The following NECAB2 variants were observed in gnomAD, a reference collection of about 807,000 sequenced individuals.
NECAB2 encodes the protein N-terminal EF-hand calcium-binding protein 2.
Under a neutral mutation model 51.9 loss-of-function variants are expected in NECAB2, and 68 were observed. The ratio of observed to expected loss-of-function variants is 1.31; its 90% CI spans 1.08 to 1.60. NECAB2 has a LOEUF of 1.60. NECAB2 is among the 40% of genes most tolerant of loss of function. The probability of loss-of-function intolerance (pLI) is 0.00; values close to 1 mark genes in which losing one functional copy is unlikely to be tolerated. For missense variants in NECAB2, 854 were observed against 490.3 expected, an observed-to-expected ratio of 1.74 and a Z score of -7.00; for synonymous variants, 329 against 203.5, an observed-to-expected ratio of 1.62 and a Z score of -5.25.
chr16:83,999,527 G>C (rs373449403), intron 10 of NECAB2, among the ~76,000 whole-genome samples: 1 of 152,132 alleles, frequency 6.6e-6, no homozygotes, highest in Non-Finnish European at 1.5e-5. Flanking sequence ...TCCACCCCAA[G>C]ATGGAATCCA....
chr16:83,997,194 A>G lies in NECAB2; in HGVS notation c.796-22A>G, dbSNP rs752985767. 9 of 1,613,936 alleles carry G rather than the reference A, an allele frequency of 5.6e-6. No individual in the cohort carries two copies. In the South Asian group the frequency reaches 7.7e-5, roughly 14 times the overall value. ...GGAGTGGGGCTCTGGGTCTAGCATC[A>G]CTGTGTGCTGGATTGTTTCAGGCAC... On this transcript the variant is annotated intron_variant, in intron 8 of 12. Coordinates refer to ENST00000305202, the MANE Select transcript of NECAB2 (RefSeq NM_019065.3).
At chr16:83,978,356 T>A in intron 2 of NECAB2, 88 bp from the exon 3 acceptor site, 1 of 988,200 alleles carries the variant, frequency 1.0e-6, no homozygotes, top group Non-Finnish European at 1.6e-6. Context: ...GTCAGGCCAT[T>A]GACTGGATTT....
At chr16:83,999,489 G>A (rs2084778171) in intron 10 of NECAB2, among the ~76,000 whole-genome samples, 1 of 152,120 alleles carries the variant, frequency 6.6e-6, no homozygotes, top group South Asian at 2.1e-4. Context: ...TCCCAGGCAT[G>A]GTGCACCTAA....
In NECAB2 at chr16:83,969,992, C is replaced by G. The variant is rs532274900; in HGVS notation, c.201+1143C>G. Among the ~76,000 whole-genome samples, 4 of 152,330 alleles carry G rather than the reference C, an allele frequency of 2.6e-5. No individual in the cohort carries two copies. The South Asian group carries it at 8.3e-4, about 32-fold the overall frequency. On this transcript the variant is annotated intron_variant, in intron 1 of 12. Coordinates refer to ENST00000305202, the MANE Select transcript of NECAB2 (RefSeq NM_019065.3). ...AGTGCCACACTCGCAGGCACACATT[C>G]ACACACTCACGCACTCGCTTACGCA...
At chr16:83,986,162 G>A (rs534286106) in intron 5 of NECAB2, among the ~76,000 whole-genome samples, 35 of 152,102 alleles carry the variant, frequency 2.3e-4, no homozygotes, top group East Asian at 3.9e-4. Flanking sequence ...GATTACAGGC[G>A]TGCACCACCA....
upstream of NECAB2, among the ~76,000 whole-genome samples, chr16:83,967,363 G>GTGGA (rs1391901139): frequency 6.8e-6 from 1 of 147,918 alleles, no homozygotes; most frequent in African/African-American, 2.5e-5. Context: ...AAATGGATGG[G>GTGGA]TGGATGGATG....
intron 3 of NECAB2, among the ~76,000 whole-genome samples, chr16:83,979,598 G>A (rs2084458784): frequency 6.6e-6 from 1 of 152,170 alleles, no homozygotes; most frequent in South Asian, 2.1e-4. Flanking sequence ...GCAGCTTCCT[G>A]GGGTGCTTTG....
At chr16:83,967,747 G>GAT (rs2084302223), upstream of NECAB2, among the ~76,000 whole-genome samples, 1 of 147,958 alleles carries the variant, frequency 6.8e-6, no homozygotes, top group Non-Finnish European at 1.5e-5. Flanking sequence ...TGGATGGATG[G>GAT]GAGGGTGGAT....
At chr16:83,976,573 T>A (rs2084414095) in intron 2 of NECAB2, among the ~76,000 whole-genome samples, 1 of 152,154 alleles carries the variant, frequency 6.6e-6, no homozygotes, top group South Asian at 2.1e-4. Context: ...GTGGCTGACT[T>A]TGCGGACTTT....
chr16:83,988,038 G>A (rs1381613396), intron 5 of NECAB2, among the ~76,000 whole-genome samples: 1 of 152,140 alleles, frequency 6.6e-6, no homozygotes, highest in Non-Finnish European at 1.5e-5. Flanking sequence ...TAGTGATATT[G>A]TACCTTATGC....
chr16:83,997,912 G>A (rs559383484), intron 9 of NECAB2, among the ~76,000 whole-genome samples: 24 of 152,154 alleles, frequency 1.6e-4, no homozygotes, highest in Non-Finnish European at 2.9e-4. Context: ...TGGATGTGCT[G>A]TGTCTCCAGG....
rs1402382801 is a variant in NECAB2, at chr16:83,994,637, G to A, written c.744G>A (p.Leu248=). The change falls in exon 8 of 13, where the codon CTG becomes CTA. Residue 248 remains leucine (L), a synonymous_variant. Transcript: ENST00000305202. ...SATEDAKEEG[L]EAQISRLAEL... ...CGGAGGATGCAAAGGAAGAGGGTCT[G>A]GAAGCCCAGATCAGCCGCTTGGCAG... The A allele has an allele frequency of 6.2e-7, 1 of 1,614,150 alleles. No individual in the cohort carries two copies. The highest frequency in any genetic ancestry group is 1.7e-5 in the Admixed American group (1 of 60,022).
chr16:83,997,712 C>A (rs960923279), intron 9 of NECAB2, among the ~76,000 whole-genome samples: 4 of 151,766 alleles, frequency 2.6e-5, no homozygotes, highest in African/African-American at 9.7e-5. Flanking sequence ...TCAGGCTGGT[C>A]TCAAACTCCT....
chr16:83,995,201 A>G (rs181163893), intron 8 of NECAB2, among the ~76,000 whole-genome samples: 136 of 152,354 alleles, frequency 8.9e-4, no homozygotes, highest in African/African-American at 3.0e-3. Context: ...ACATTTTCAG[A>G]TAATGTTTCG....
chr16:83,982,635 T>C (rs1179037575), intron 5 of NECAB2, among the ~76,000 whole-genome samples: 1 of 152,170 alleles, frequency 6.6e-6, no homozygotes, highest in African/African-American at 2.4e-5. Flanking sequence ...CTGTGAGGCA[T>C]TCGTAACATC....
rs77670984 is a variant in NECAB2 at position 84,001,775 on chromosome 16, C to T, written c.1041-50C>T. The T allele has an allele frequency of 7.0e-3, 11,144 of 1,590,128 alleles. 678 individuals are homozygous for T. In the African/African-American group the frequency reaches 0.13, roughly 18 times the overall value. On this transcript the variant is annotated intron_variant, in intron 11 of 12. Transcript: ENST00000305202. ...CTAGGATTAACAGGGGAGCCACACG[C>T]GGAGCTCCACTCCTGCCACCCCTGA...
chr16:83,997,307 C>T, intron 9 of NECAB2, 38 bp downstream of exon 9: 2 of 1,613,086 alleles, frequency 1.2e-6, no homozygotes, highest in Non-Finnish European at 1.7e-6. Flanking sequence ...GGACCACATC[C>T]CTACCCATGC....
In NECAB2 at chr16:83,980,851, C is replaced by A; in HGVS notation, c.348C>A (p.Thr116=). 2 of 1,599,106 alleles carry A rather than the reference C, an allele frequency of 1.3e-6. No individual in the cohort carries two copies. The highest frequency in any genetic ancestry group is 1.3e-5 in the African/African-American group (1 of 74,552). The change falls in exon 4 of 13, where the codon ACC becomes ACA. Residue 116 remains threonine (T), a synonymous_variant. Transcript: ENST00000305202. The stretch of plus-strand genomic sequence containing the variant: ...TCTGTCTCTGCAGCCATGTGGACAC[C>A]AAGGAGCTGTGTGGTAGGTGCCTGG... ...IDSDNTNHVD[T]KELCDYFVDH... is the part of the protein sequence containing the mutation.
At chr16:83,978,646 G>T in intron 3 of NECAB2, 94 bp downstream of exon 3, 2 of 1,102,972 alleles carry the variant, frequency 1.8e-6, no homozygotes, top group Non-Finnish European at 2.7e-6. Flanking sequence ...CCCCTGTAAG[G>T]GGCAGGAGAA....
Sources: gnomAD v4.1 joint callset for allele counts (sites outside exome capture counted in the v4.1 genomes callset) on GRCh38, gnomAD v4.1.1 for gene constraint, MANE v1.5 for transcripts, NCBI Gene and HGNC (gene_info 2026-07-23, HGNC 2026-07-21) for gene names.